Variants in NEBL observed in about 807,000 individuals in gnomAD.
The protein encoded by NEBL is nebulette.
NEBL carries 122 observed loss-of-function variants against 140.2 expected under a neutral mutation model. That is an observed-to-expected ratio of 0.87 (90% CI 0.75 to 1.01). The LOEUF (loss-of-function observed/expected upper bound fraction) is 1.01. NEBL is among the 50% of genes least tolerant of loss of function. NEBL has a pLI of 0.00. For missense variants in NEBL, 1,365 were observed against 1,231.3 expected (o/e 1.11, Z -1.62); for synonymous variants, 436 against 398.9 (o/e 1.09, Z -1.11).
At chr10:20,993,093 A>G (rs534328431) in intron 3 of NEBL, among the ~76,000 whole-genome samples, 1 of 152,170 alleles carries the variant, frequency 6.6e-6, no homozygotes, top group South Asian at 2.1e-4. Flanking sequence ...TGCAACTACA[A>G]AGTCTTTTAG....
At chr10:21,191,773 A>C (rs901749255) in intron 3 of NEBL, among the ~76,000 whole-genome samples, 1 of 152,146 alleles carries the variant, frequency 6.6e-6, no homozygotes, top group Non-Finnish European at 1.5e-5. Context: ...ACCAAATCTC[A>C]TCAATTTCAG....
chr10:21,243,455 C>T (rs1006961501), intron 3 of NEBL, among the ~76,000 whole-genome samples: 9 of 151,980 alleles, frequency 5.9e-5, no homozygotes, highest in South Asian at 2.1e-4. Context: ...TACAGGTGCA[C>T]GCCATCACGC....
In NEBL at chr10:21,033,133, G is replaced by A. The variant is rs562695751; in HGVS notation, c.165-12932C>T. 2.6e-5 allele frequency among the ~76,000 whole-genome samples: 4 copies of A among 152,230 alleles called. No individual in the cohort carries two copies. The East Asian group carries it at 7.7e-4, about 29-fold the overall frequency. ...CACAAACAAGGAAATGTGTGACATC[G>A]AGCAGCCCTGTGATTTGTGCCCAGG... is the stretch of plus-strand genomic sequence containing the variant. On this transcript the variant is annotated intron_variant, in intron 2 of 6. Transcript: ENST00000417816.
In NEBL at chr10:21,183,369, C is replaced by G. The variant is rs114870522; in HGVS notation, n.349-10892G>C. 4.4e-3 allele frequency among the ~76,000 whole-genome samples: 668 copies of G among 152,170 alleles called. 3 individuals are homozygous for G. Among genetic ancestry groups the G allele is most frequent in the African/African-American group, 0.015 (622 of 41,508 alleles). On this transcript the variant is annotated intron_variant and non_coding_transcript_variant, in intron 3 of 8. Coordinates refer to the NEBL transcript ENST00000675702. ...GGGTTGGAAGAGGGGAGAGCCGCAA[C>G]CACAGGACAAGAGGGCGTCTGGACA...
chr10:21,175,859 G>T (rs1413572596), upstream of NEBL, among the ~76,000 whole-genome samples: 1 of 152,176 alleles, frequency 6.6e-6, no homozygotes, highest in Non-Finnish European at 1.5e-5. Flanking sequence ...CATAACTGTA[G>T]ATCATGAAAT....
At chr10:20,902,552 A>G (rs1847917766) in intron 4 of NEBL, among the ~76,000 whole-genome samples, 4 of 152,194 alleles carry the variant, frequency 2.6e-5, no homozygotes. Flanking sequence ...ATGGGGCACA[A>G]CAATTTCCAG....
At chr10:20,950,161 C>G (rs150357967) in intron 4 of NEBL, among the ~76,000 whole-genome samples, 1 of 152,152 alleles carries the variant, frequency 6.6e-6, no homozygotes, top group Non-Finnish European at 1.5e-5. Context: ...AACTACAAGC[C>G]GCAGGGCATC....
chr10:21,264,093 C>T (rs1324265421), intron 1 of NEBL, among the ~76,000 whole-genome samples: 1 of 152,174 alleles, frequency 6.6e-6, no homozygotes, highest in African/African-American at 2.4e-5. Context: ...TACAGTATTC[C>T]TCTTTTCCAG....
rs138174512 is a variant in NEBL at position 21,145,806 on chromosome 10, A to G, written c.164+26577T>C. Among the ~76,000 whole-genome samples the G allele has an allele frequency of 7.0e-4, 106 of 152,320 alleles. 2 individuals carry two copies. In the East Asian group the frequency reaches 0.014, roughly 21 times the overall value. Reference sequence around the variant, plus strand: ...ACGCAAACCCTGTAGGGAAATGCCAAGGGCTCCGGCAGCTGGAGAGTAACT... The same window carrying G: ...ACGCAAACCCTGTAGGGAAATGCCAGGGGCTCCGGCAGCTGGAGAGTAACT... On this transcript the variant is annotated intron_variant, in intron 2 of 6. Coordinates refer to the NEBL transcript ENST00000417816.
chr10:21,140,898 T>C (rs1839597883), intron 2 of NEBL, among the ~76,000 whole-genome samples: 2 of 151,868 alleles, frequency 1.3e-5, no homozygotes, highest in Admixed American at 1.3e-4. Context: ...CCATGGCGCA[T>C]GTATACCTAG....
At chr10:21,199,269 G>A (rs1841698336) in intron 3 of NEBL, among the ~76,000 whole-genome samples, 1 of 152,062 alleles carries the variant, frequency 6.6e-6, no homozygotes, top group Admixed American at 6.6e-5. Context: ...TTGGACTGAA[G>A]CCATCCTCCC....
At chr10:20,952,553 G>T (rs887049023) in intron 4 of NEBL, among the ~76,000 whole-genome samples, 1 of 151,196 alleles carries the variant, frequency 6.6e-6, no homozygotes, top group Non-Finnish European at 1.5e-5. Flanking sequence ...ACTGAATGTA[G>T]AAGTTTTCCT....
intron 1 of NEBL, among the ~76,000 whole-genome samples, chr10:21,274,139 GC>G (rs1842890944): frequency 6.6e-6 from 1 of 152,116 alleles, no homozygotes; most frequent in Admixed American, 6.5e-5. Flanking sequence ...GTTTAGAGAG[GC>G]CCAGTAACAA....
At position 20,831,558 on chromosome 10, in the gene NEBL, G is replaced by A. The variant is rs1299663441; in HGVS notation, c.1475C>T (p.Thr492Ile). The A allele has an allele frequency of 2.5e-6, 4 of 1,609,844 alleles. No individual in the cohort carries two copies. The South Asian group carries it at 3.3e-5, about 13-fold the overall frequency. ...SEKDYKRDLE[T>I]EIKGKGMQVS... ...CTGCATCCCTTTCCCTTTAATTTCA[G>A]TCTCCAGATCTCTTTTATAGTCTTT... is the stretch of plus-strand genomic sequence containing the variant. The change falls in exon 15 of 28, where the codon ACT (threonine) becomes ATT (isoleucine). Residue 492 changes from threonine to isoleucine, a missense_variant. Physicochemically the swap from Thr to Ile is moderately conservative, Grantham distance 89. Around this residue, in one of 2 missense-constraint regions of NEBL, gnomAD observed 1,323 missense variants for 1,154.8 expected, o/e 1.15. Transcript: ENST00000377122.
At chr10:20,992,680 C>T (rs1301003263) in intron 3 of NEBL, among the ~76,000 whole-genome samples, 1 of 151,630 alleles carries the variant, frequency 6.6e-6, no homozygotes, top group Non-Finnish European at 1.5e-5. Flanking sequence ...TGCCTTCCTT[C>T]CCTGAGCTAC....
intron 2 of NEBL, among the ~76,000 whole-genome samples, chr10:21,026,273 A>G (rs1467295633): frequency 6.6e-6 from 1 of 152,176 alleles, no homozygotes; most frequent in Non-Finnish European, 1.5e-5. Context: ...AGGGGAAAAT[A>G]CTACTGACAT....
At position 20,890,399 on chromosome 10, in the gene NEBL, G is replaced by C. The variant is rs12245978; in HGVS notation, c.154-450C>G. ...GACAGATGTGACCAATTAAGAAGTA[G>C]AGGCGAAATTAAATGGGGATCACTA... On this transcript the variant is annotated intron_variant, in intron 2 of 27. Transcript: ENST00000377122. Among the ~76,000 whole-genome samples the C allele has an allele frequency of 8.7e-3, 1,326 of 152,332 alleles. 19 individuals are homozygous for C. The highest frequency in any genetic ancestry group is 0.03 in the African/African-American group (1,250 of 41,572).
intron 4 of NEBL, among the ~76,000 whole-genome samples, chr10:20,955,479 T>C (rs893815146): frequency 6.6e-6 from 1 of 152,112 alleles, no homozygotes; most frequent in South Asian, 2.1e-4. Context: ...GAATGACTCA[T>C]GCAAAAGCCC....
chr10:21,210,253 G>A lies in NEBL; in HGVS notation n.348+37668C>T, dbSNP rs767779140. Among the ~76,000 whole-genome samples, 20 of 152,246 alleles carry A rather than the reference G, an allele frequency of 1.3e-4. 1 individual carries two copies. Among genetic ancestry groups the A allele is most frequent in the Middle Eastern group, 3.4e-3 (1 of 294 alleles). On this transcript the variant is annotated intron_variant and non_coding_transcript_variant, in intron 3 of 8. Coordinates refer to the NEBL transcript ENST00000675702. ...CCAAAAATACAAAAAACTTAGCTGG[G>A]TGTGGTGGCAGGCGCCTGTAATCCC...
Sources: gnomAD v4.1 joint callset for allele counts (sites outside exome capture counted in the v4.1 genomes callset) on GRCh38, gnomAD v4.1.1 for gene constraint, gnomAD v4.1.1 regional missense constraint, MANE v1.5 for transcripts, NCBI Gene and HGNC (gene_info 2026-07-23, HGNC 2026-07-21) for gene names.